Variants in RNF150 observed in about 807,000 individuals in gnomAD.
RNF150 encodes the protein ring finger protein 150.
In RNF150, 24 loss-of-function variants were observed where a neutral mutation model predicts 39.3. The observed-to-expected ratio is 0.61, with a 90% CI of 0.44 to 0.86. RNF150 has a LOEUF of 0.86. Among genes scored for constraint, RNF150 ranks in the 40% least tolerant of loss-of-function variants. The pLI is 0.00. For synonymous variants in RNF150, 255 were observed against 227.3 expected, an observed-to-expected ratio of 1.12 and a Z score of -1.10; for missense variants, 502 against 587.8, an observed-to-expected ratio of 0.85 and a Z score of 1.51.
intron 5 of RNF150, among the ~76,000 whole-genome samples, chr4:140,924,380 A>G (rs1004552894): frequency 1.3e-5 from 2 of 152,236 alleles, no homozygotes; most frequent in African/African-American, 4.8e-5. Flanking sequence ...CATTGAAAAA[A>G]TCTGGAGTCA....
intron 5 of RNF150, among the ~76,000 whole-genome samples, chr4:140,924,504 C>G (rs900367190): frequency 2.6e-5 from 4 of 152,116 alleles, no homozygotes; most frequent in African/African-American, 9.7e-5. Context: ...ACAATAGGAA[C>G]ACATCAAAGG....
chr4:140,873,944 G>T (rs1261316136), intron 6 of RNF150, among the ~76,000 whole-genome samples: 1 of 152,124 alleles, frequency 6.6e-6, no homozygotes, highest in Non-Finnish European at 1.5e-5. Flanking sequence ...GGGATTACAG[G>T]CATGAGCCAC....
chr4:140,885,428 C>T (rs1448091716), intron 6 of RNF150, among the ~76,000 whole-genome samples: 2 of 131,070 alleles, frequency 1.5e-5, no homozygotes, highest in Non-Finnish European at 3.2e-5. Flanking sequence ...TATATATGTA[C>T]ATATATCTTT....
chr4:140,995,293 GC>G (rs1377912307), intron 1 of RNF150, among the ~76,000 whole-genome samples: 1 of 152,130 alleles, frequency 6.6e-6, no homozygotes, highest in African/African-American at 2.4e-5. Flanking sequence ...TGTTGAAATG[GC>G]AATGTACAGC....
In RNF150 at chr4:140,949,335, T is replaced by C. The variant is rs765659930; in HGVS notation, c.773A>G (p.Lys258Arg). The part of the protein sequence containing the change: ...LGDAAKKAIS[K>R]LQIRTIKKGD... ...CTTCTTGATGGTCCTGATCTGGAGT[T>C]TGCTGATGGCTTTCTTTGCTGCATC... The change falls in exon 3 of 7, where the codon AAA (lysine) becomes AGA (arginine). Residue 258 changes from lysine (K) to arginine (R), a missense_variant. Lys to Arg is a conservative substitution (Grantham distance 26). Transcript: ENST00000515673. The C allele has an allele frequency of 6.2e-7, 1 of 1,613,368 alleles. No individual in the cohort carries two copies. Among genetic ancestry groups the C allele is most frequent in the South Asian group, 1.1e-5 (1 of 90,824 alleles).
intron 1 of RNF150, among the ~76,000 whole-genome samples, chr4:141,089,769 T>C (rs1738508204): frequency 6.6e-6 from 1 of 152,200 alleles, no homozygotes; most frequent in Admixed American, 6.5e-5. Context: ...ATTTACCAAA[T>C]TATACCCAGA....
chr4:140,999,088 G>T (rs1734484304), intron 1 of RNF150, among the ~76,000 whole-genome samples: 2 of 152,232 alleles, frequency 1.3e-5, no homozygotes, highest in South Asian at 4.2e-4. Context: ...GTGGAACATG[G>T]TCTCCTCTGA....
chr4:140,999,937 C>CA (rs35155778), intron 1 of RNF150, among the ~76,000 whole-genome samples: 18 of 30,846 alleles, frequency 5.8e-4, no homozygotes, highest in African/African-American at 1.1e-3. Context: ...GACTTGGTCT[C>CA]AAAAAAAGAA....
rs538645392 is a variant in RNF150 at position 140,883,976 on chromosome 4, CT to C, written c.1199-15598del. Among the ~76,000 whole-genome samples the C allele has an allele frequency of 2.4e-3, 349 of 145,878 alleles. 1 individual carries two copies. Among genetic ancestry groups the C allele is most frequent in the East Asian group, 5.0e-3 (25 of 5,046 alleles). The stretch of plus-strand genomic sequence containing the variant: ...CTTAGGCTTTCTTTATTGTACTTCA[CT>C]TTTTTTTTTTGCTCTTATGACTTGA... On this transcript the variant is annotated intron_variant, in intron 6 of 6. Transcript: ENST00000515673.
intron 1 of RNF150, among the ~76,000 whole-genome samples, chr4:141,003,608 C>CACA (rs1042208537): frequency 2.0e-5 from 3 of 148,618 alleles, no homozygotes; most frequent in African/African-American, 7.4e-5. Flanking sequence ...CACACACACA[C>CACA]GTGTGCACAC....
At chr4:141,196,587 T>C (rs1401666755) in intron 1 of RNF150, among the ~76,000 whole-genome samples, 2 of 152,208 alleles carry the variant, frequency 1.3e-5, no homozygotes, top group Non-Finnish European at 2.9e-5. Context: ...GGAAGGCTTT[T>C]GGTATAAATA....
chr4:140,964,272 C>T (rs1363009363), intron 2 of RNF150, among the ~76,000 whole-genome samples: 1 of 152,004 alleles, frequency 6.6e-6, no homozygotes, highest in Admixed American at 6.6e-5. Flanking sequence ...AGCTGTGTGA[C>T]CTTGGGCAAA....
chr4:141,162,496 T>C (rs946050265), intron 1 of RNF150, among the ~76,000 whole-genome samples: 38 of 152,082 alleles, frequency 2.5e-4, no homozygotes, highest in Non-Finnish European at 1.5e-4. Context: ...GAATTAAGCA[T>C]TTGTGGGGGA....
At chr4:140,883,026 A>G (rs1729433737) in intron 6 of RNF150, among the ~76,000 whole-genome samples, 1 of 150,374 alleles carries the variant, frequency 6.7e-6, no homozygotes, top group Non-Finnish European at 1.5e-5. Flanking sequence ...AGTGCTATAT[A>G]CTTTGATTTG....
intron 1 of RNF150, among the ~76,000 whole-genome samples, chr4:141,161,966 T>C (rs1194942242): frequency 6.6e-6 from 1 of 152,158 alleles, no homozygotes; most frequent in African/African-American, 2.4e-5. Context: ...TAGGGTAATG[T>C]GGAGGGGAAA....
chr4:141,063,958 C>A, intron 1 of RNF150, among the ~76,000 whole-genome samples: 1 of 134,374 alleles, frequency 7.4e-6, no homozygotes, highest in Non-Finnish European at 1.5e-5. Flanking sequence ...CTATAAGAAC[C>A]ATTTTGTAAT....
intron 1 of RNF150, among the ~76,000 whole-genome samples, chr4:141,031,581 A>T (rs1013811683): frequency 2.4e-4 from 36 of 152,198 alleles, no homozygotes; most frequent in African/African-American, 8.4e-4. Flanking sequence ...ACTCAATTAA[A>T]AAATGGGAAA....
chr4:141,139,780 T>G (rs1412571918), intron 1 of RNF150, among the ~76,000 whole-genome samples: 1 of 152,170 alleles, frequency 6.6e-6, no homozygotes, highest in Non-Finnish European at 1.5e-5. Context: ...GTGGAGTAAC[T>G]TGCCCGAGGC....
chr4:141,029,152 A>G (rs191010601), intron 1 of RNF150, among the ~76,000 whole-genome samples: 1,675 of 152,302 alleles, frequency 0.011, 40 homozygotes, highest in Admixed American at 0.052. Flanking sequence ...CCGGAGAAGA[A>G]GGGTTCTGTT....
Sources: allele counts gnomAD v4.1 joint callset (sites outside exome capture counted in the v4.1 genomes callset), GRCh38; gene constraint gnomAD v4.1.1; transcripts MANE v1.5; gene names NCBI Gene and HGNC (gene_info 2026-07-23, HGNC 2026-07-21).